The following INPP4B variants were observed in gnomAD, a reference collection of about 807,000 sequenced individuals.
The protein encoded by INPP4B is inositol polyphosphate-4-phosphatase type II B.
A neutral mutation model predicts 122.5 loss-of-function variants in INPP4B; 55 were observed. That is an observed-to-expected ratio of 0.45 (90% confidence interval 0.36 to 0.56). INPP4B has a LOEUF of 0.56. Among genes scored for constraint, INPP4B ranks in the 20% least tolerant of loss-of-function variants. INPP4B has a pLI of 0.00. For missense variants in INPP4B, 1,000 were observed against 1,097.7 expected, an observed-to-expected ratio of 0.91 and a Z score of 1.26; for synonymous variants, 403 against 388.7, an observed-to-expected ratio of 1.04 and a Z score of -0.43.
At chr4:142,104,524 C>A (rs1786033046) in intron 23 of INPP4B, among the ~76,000 whole-genome samples, 1 of 152,116 alleles carries the variant, frequency 6.6e-6, no homozygotes, top group African/African-American at 2.4e-5. Context: ...GGGGAAGTAA[C>A]TTCTGAAGAT....
chr4:142,752,398 T>C (rs1769868366), intron 1 of INPP4B, among the ~76,000 whole-genome samples: 1 of 152,076 alleles, frequency 6.6e-6, no homozygotes, highest in South Asian at 2.1e-4. Flanking sequence ...TACTGATCTT[T>C]TCCAGATCTA....
At chr4:142,580,373 A>G (rs2019026) in intron 2 of INPP4B, among the ~76,000 whole-genome samples, 2 of 151,998 alleles carry the variant, frequency 1.3e-5, no homozygotes, top group Admixed American at 6.6e-5. Context: ...CAGTCTTAAC[A>G]TGAAACAACC....
At chr4:142,720,799 C>A (rs1265193423) in intron 2 of INPP4B, among the ~76,000 whole-genome samples, 4,704 of 26,064 alleles carry the variant, frequency 0.18, 977 homozygotes, top group African/African-American at 0.21. Context: ...CTCTCTCTCT[C>A]TCTCTCTCTC....
chr4:142,241,449 G>A (rs561633254), intron 11 of INPP4B, among the ~76,000 whole-genome samples: 2 of 152,148 alleles, frequency 1.3e-5, no homozygotes, highest in African/African-American at 4.8e-5. Flanking sequence ...GAAAGTAAAC[G>A]GCAGATTTTT....
chr4:142,827,708 T>C (rs1329344329), intron 1 of INPP4B, among the ~76,000 whole-genome samples: 1 of 152,214 alleles, frequency 6.6e-6, no homozygotes, highest in Admixed American at 6.5e-5. Flanking sequence ...ATTCTGTTGC[T>C]GTTCTACCCT....
chr4:142,185,478 T>G (rs1832759087), intron 15 of INPP4B, among the ~76,000 whole-genome samples: 1 of 151,768 alleles, frequency 6.6e-6, no homozygotes, highest in Non-Finnish European at 1.5e-5. Context: ...TACTCAAGAC[T>G]GAATGAGAAA....
intron 5 of INPP4B, chr4:142,425,088 C>T (rs1807757517): frequency 6.6e-6 from 1 of 151,918 alleles, no homozygotes; most frequent in Non-Finnish European, 1.5e-5. Flanking sequence ...AAAAACTTTT[C>T]CAAAGAAAAT....
intron 2 of INPP4B, among the ~76,000 whole-genome samples, chr4:142,646,699 C>A (rs1751861806): frequency 6.6e-6 from 1 of 152,108 alleles, no homozygotes; most frequent in Non-Finnish European, 1.5e-5. Context: ...GGAATTGCAA[C>A]AAAGAAAAGT....
intron 7 of INPP4B, among the ~76,000 whole-genome samples, chr4:142,368,544 C>T (rs1017558688): frequency 2.0e-5 from 3 of 151,824 alleles, no homozygotes; most frequent in African/African-American, 7.3e-5. Context: ...TGAGGCACAC[C>T]GAAGCTACAG....
At chr4:142,504,474 T>A (rs754200413) in intron 2 of INPP4B, among the ~76,000 whole-genome samples, 1 of 152,198 alleles carries the variant, frequency 6.6e-6, no homozygotes, top group Admixed American at 6.5e-5. Context: ...TAAATACATA[T>A]ACTTTTCTAT....
At chr4:142,253,400 C>T (rs954493882) in intron 11 of INPP4B, among the ~76,000 whole-genome samples, 21 of 152,232 alleles carry the variant, frequency 1.4e-4, no homozygotes, top group South Asian at 4.1e-4. Flanking sequence ...CCAGTGTGAG[C>T]GATGCAGAAG....
At chr4:142,515,553 G>T (rs1380205392) in intron 2 of INPP4B, among the ~76,000 whole-genome samples, 1 of 152,084 alleles carries the variant, frequency 6.6e-6, no homozygotes, top group African/African-American at 2.4e-5. Context: ...TGCACCCAAG[G>T]GTGTAAGGGA....
At chr4:142,029,018 A>G in intron 25 of INPP4B, 104 bp from the exon 26 acceptor site, 2 of 1,459,820 alleles carry the variant, frequency 1.4e-6, no homozygotes, top group Non-Finnish European at 1.8e-6. Context: ...AAAAATAACA[A>G]AGATTCAACT....
intron 12 of INPP4B, among the ~76,000 whole-genome samples, chr4:142,220,310 A>G (rs2149691003): frequency 6.6e-6 from 1 of 152,344 alleles, no homozygotes; most frequent in Non-Finnish European, 1.5e-5. Context: ...GGCTCAACAG[A>G]GCCGGTTGAA....
At chr4:142,135,343 C>T (rs992140628) in intron 18 of INPP4B, among the ~76,000 whole-genome samples, 11 of 152,054 alleles carry the variant, frequency 7.2e-5, no homozygotes, top group Non-Finnish European at 1.2e-4. Flanking sequence ...AAAATAGTGG[C>T]CTATAGACCA....
At chr4:142,287,165 C>T (rs1444583989) in intron 9 of INPP4B, 4 of 152,122 alleles carry the variant, frequency 2.6e-5, no homozygotes, top group Non-Finnish European at 5.9e-5. Flanking sequence ...TGCATATAAT[C>T]TCCAATGGAT....
At chr4:142,167,740 A>AAT (rs1250355303) in intron 16 of INPP4B, among the ~76,000 whole-genome samples, 1 of 151,664 alleles carries the variant, frequency 6.6e-6, no homozygotes, top group African/African-American at 2.4e-5. Context: ...TGGAAGAGTA[A>AAT]ATATATATAA....
chr4:142,032,539 A>G (rs1055822121), intron 25 of INPP4B, among the ~76,000 whole-genome samples: 3 of 152,232 alleles, frequency 2.0e-5, no homozygotes, highest in East Asian at 1.9e-4. Context: ...AATATTGCCA[A>G]TATGTATCTC....
intron 25 of INPP4B, among the ~76,000 whole-genome samples, chr4:142,068,105 T>A (rs1423788975): frequency 6.6e-6 from 1 of 152,068 alleles, no homozygotes; most frequent in Admixed American, 6.6e-5. Flanking sequence ...CCCATAAAGG[T>A]AAGCCCATCA....
Sources: gnomAD v4.1 joint callset for allele counts (sites outside exome capture counted in the v4.1 genomes callset) on GRCh38, gnomAD v4.1.1 for gene constraint, MANE v1.5 for transcripts, NCBI Gene and HGNC (gene_info 2026-07-23, HGNC 2026-07-21) for gene names.